PARD3B: variants seen among roughly 807,000 people sequenced by gnomAD.
The protein encoded by PARD3B is par-3 family cell polarity regulator beta, also known as partitioning defective 3 homolog B.
A neutral mutation model predicts 130.2 loss-of-function variants in PARD3B; 103 were observed. The observed-to-expected ratio is 0.79, with a 90% CI of 0.67 to 0.93. PARD3B has a LOEUF of 0.93. Ranked by LOEUF, PARD3B falls within the 40% of genes least tolerant of loss-of-function variation. PARD3B has a pLI of 0.00. For synonymous variants in PARD3B, 583 were observed against 553.2 expected (o/e 1.05, Z -0.76); for missense variants, 1,609 against 1,499.2 (o/e 1.07, Z -1.21).
intron 4 of PARD3B, chr2:205,103,600 T>A: frequency 5.3e-6 from 3 of 569,796 alleles, no homozygotes; most frequent in Non-Finnish European, 6.7e-6. Context: ...GTTGCTTTGA[T>A]GAAACCGGAG....
intron 3 of PARD3B, among the ~76,000 whole-genome samples, chr2:204,973,706 T>C (rs938465189): frequency 2.6e-5 from 4 of 152,200 alleles, no homozygotes; most frequent in Non-Finnish European, 5.9e-5. Flanking sequence ...AGCCTTATGA[T>C]GAATTATGCC....
chr2:205,265,589 T>C lies in PARD3B; in HGVS notation c.2185+19767T>C, dbSNP rs1253041969. 6.6e-6 allele frequency among the ~76,000 whole-genome samples: 1 copy of C among 151,946 alleles called. No homozygotes were observed. ...ATACCGAGACTTCACCGAAGAGATG[T>C]TCAGTGTAATATAATTATTTTGATG... is the stretch of plus-strand genomic sequence containing the variant. On this transcript the variant is annotated intron_variant, in intron 16 of 22. Transcript: ENST00000406610. The surrounding 1 kb of genome is among the most constrained non-coding windows in gnomAD (Gnocchi z 4.3).
At chr2:204,616,479 T>G (rs1194304292) in intron 1 of PARD3B, among the ~76,000 whole-genome samples, 3 of 152,094 alleles carry the variant, frequency 2.0e-5, no homozygotes, top group African/African-American at 4.8e-5. Context: ...CAAATGCTAT[T>G]GAGAACGTGG....
rs1044323005 is a variant in PARD3B, at chr2:205,618,440, A to T, written c.*2627A>T. ...TAGAGTATTTAGAAGACCAGGCTAT[A>T]ATCAGTAATGTGCCTGGGAGCAGGA... On this transcript the variant is annotated 3_prime_UTR_variant, in exon 23 of 23. Transcript: ENST00000406610. 1 of 152,144 alleles carries T rather than the reference A, an allele frequency of 6.6e-6. No homozygotes were observed. The highest frequency in any genetic ancestry group is 1.5e-5 in the Non-Finnish European group (1 of 68,028). The allele number at this position is 152,144 out of a possible 1,614,324, so 9.4% of individuals were successfully genotyped here.
intron 3 of PARD3B, among the ~76,000 whole-genome samples, chr2:204,975,295 C>A (rs1162137738): frequency 6.6e-6 from 1 of 152,092 alleles, no homozygotes; most frequent in Non-Finnish European, 1.5e-5. Context: ...CTAGTTTGGC[C>A]AACTTTAATT....
At chr2:205,052,526 T>C (rs1699294706) in intron 4 of PARD3B, among the ~76,000 whole-genome samples, 1 of 149,806 alleles carries the variant, frequency 6.7e-6, no homozygotes, top group Non-Finnish European at 1.5e-5. Flanking sequence ...GGGGGGTCTG[T>C]TAACTCTCTG....
chr2:205,351,522 G>A lies in PARD3B; in HGVS notation c.2631-49491G>A, dbSNP rs1279684413. Among the ~76,000 whole-genome samples the A allele has an allele frequency of 2.6e-5, 4 of 152,092 alleles. No individual in the cohort carries two copies. The highest frequency in any genetic ancestry group is 4.4e-5 in the Non-Finnish European group (3 of 68,016). ...AGCAATTTGGGCTGGAGTGAGAGGC[G>A]AGGAAGAAAGCCACAGCCAAGACTT... is the stretch of plus-strand genomic sequence containing the variant. On this transcript the variant is annotated intron_variant, in intron 18 of 22. Coordinates refer to ENST00000406610, the MANE Select transcript of PARD3B (RefSeq NM_001302769.2). The surrounding 1 kb of genome is among the most constrained non-coding windows in gnomAD (Gnocchi z 4.2).
intron 2 of PARD3B, among the ~76,000 whole-genome samples, chr2:204,802,340 A>C (rs1037225042): frequency 6.6e-6 from 1 of 152,204 alleles, no homozygotes; most frequent in Admixed American, 6.5e-5. Context: ...GTCAGGAAAC[A>C]ACAGATGCTG....
chr2:204,658,433 T>C (rs937025028), intron 1 of PARD3B, among the ~76,000 whole-genome samples: 1 of 152,164 alleles, frequency 6.6e-6, no homozygotes, highest in African/African-American at 2.4e-5. Flanking sequence ...AAAACGTCTC[T>C]TGGTCTTAGT....
At chr2:204,898,037 A>G (rs2046706904) in intron 2 of PARD3B, among the ~76,000 whole-genome samples, 1 of 152,008 alleles carries the variant, frequency 6.6e-6, no homozygotes, top group Non-Finnish European at 1.5e-5. Flanking sequence ...ATTGGTGCAC[A>G]TGTTATAAAT....
intron 20 of PARD3B, among the ~76,000 whole-genome samples, chr2:205,489,677 C>A (rs2049614863): frequency 6.6e-6 from 1 of 151,698 alleles, no homozygotes; most frequent in Non-Finnish European, 1.5e-5. Flanking sequence ...AAACTGACTT[C>A]TAAAATTTGA....
chr2:204,646,995 A>C (rs2125162280), intron 1 of PARD3B, among the ~76,000 whole-genome samples: 1 of 152,136 alleles, frequency 6.6e-6, no homozygotes, highest in Admixed American at 6.5e-5. Flanking sequence ...GAGTATTGAA[A>C]CACATAAGAC....
intron 1 of PARD3B, among the ~76,000 whole-genome samples, chr2:204,672,162 G>A (rs1201868953): frequency 2.6e-5 from 4 of 152,010 alleles, no homozygotes; most frequent in East Asian, 3.9e-4. Context: ...CTTCTCATTC[G>A]CATTCCTGAA....
At position 204,623,612 on chromosome 2, in the gene PARD3B, G is replaced by A. The variant is rs2034380955; in HGVS notation, c.121-62569G>A. On this transcript the variant is annotated intron_variant, in intron 1 of 22. Coordinates refer to ENST00000406610, the MANE Select transcript of PARD3B (RefSeq NM_001302769.2). The surrounding 1 kb of genome is among the most constrained non-coding windows in gnomAD (Gnocchi z 4.5). ...TTGAGATATATCCAAGTTGTTGCATGTATCAATAATTCATTCCCTTTTTCT... is the reference window on the plus strand; with the variant it reads ...TTGAGATATATCCAAGTTGTTGCATATATCAATAATTCATTCCCTTTTTCT... Among the ~76,000 whole-genome samples the A allele has an allele frequency of 6.6e-6, 1 of 151,998 alleles. No individual in the cohort carries two copies. The highest frequency in any genetic ancestry group is 1.5e-5 in the Non-Finnish European group (1 of 68,004).
intron 1 of PARD3B, among the ~76,000 whole-genome samples, chr2:204,575,480 G>A (rs1392782441): frequency 6.6e-6 from 1 of 152,178 alleles, no homozygotes; most frequent in Non-Finnish European, 1.5e-5. Flanking sequence ...GAAACCCCTT[G>A]ATGCTAAGAA....
At chr2:204,626,442 C>T (rs897562584) in intron 1 of PARD3B, among the ~76,000 whole-genome samples, 1 of 151,952 alleles carries the variant, frequency 6.6e-6, no homozygotes, top group Non-Finnish European at 1.5e-5. Context: ...AATGTTTCCA[C>T]CAAAAATGCT....
chr2:204,678,560 C>T lies in PARD3B; in HGVS notation c.121-7621C>T, dbSNP rs907798335. ...GAAGAAAGTAGTCTTTCCTTGAAGCCTGGCTGACTCCAGCCGGGTCGTCTC... is the reference window on the plus strand; with the variant it reads ...GAAGAAAGTAGTCTTTCCTTGAAGCTTGGCTGACTCCAGCCGGGTCGTCTC... On this transcript the variant is annotated intron_variant, in intron 1 of 22. Coordinates refer to ENST00000406610, the MANE Select transcript of PARD3B (RefSeq NM_001302769.2). This position sits in a 1 kb window ranked among gnomAD's most constrained non-coding sequence, Gnocchi z 4.2. Among the ~76,000 whole-genome samples, 4 of 152,136 alleles carry T rather than the reference C, an allele frequency of 2.6e-5. No individual in the cohort carries two copies. The highest frequency in any genetic ancestry group is 2.0e-4 in the Admixed American group (3 of 15,274).
intron 2 of PARD3B, among the ~76,000 whole-genome samples, chr2:204,924,123 A>G (rs2125758635): frequency 6.6e-6 from 1 of 152,184 alleles, no homozygotes; most frequent in East Asian, 1.9e-4. Flanking sequence ...TTGTTTTGAA[A>G]CAGTTAAAGG....
At chr2:205,223,630 C>CCAAA (rs2038363032) in intron 15 of PARD3B, among the ~76,000 whole-genome samples, 1 of 151,966 alleles carries the variant, frequency 6.6e-6, no homozygotes, top group Non-Finnish European at 1.5e-5. Flanking sequence ...AAAAAACCAA[C>CCAAA]CAACCAACCA....
Sources: allele counts gnomAD v4.1 joint callset (sites outside exome capture counted in the v4.1 genomes callset), GRCh38; gene constraint gnomAD v4.1.1; non-coding constraint Gnocchi (gnomAD v3.1); transcripts MANE v1.5; gene names NCBI Gene and HGNC (gene_info 2026-07-23, HGNC 2026-07-21).